The following AKAP6 variants were observed in gnomAD, a reference collection of about 807,000 sequenced individuals.
The protein encoded by AKAP6 is A-kinase anchoring protein 6, also known as A-kinase anchor protein 6.
A neutral mutation model predicts 188.5 loss-of-function variants in AKAP6; 58 were observed. The ratio of observed to expected loss-of-function variants is 0.31; its 90% CI spans 0.25 to 0.38. The LOEUF is 0.38. AKAP6 is among the 10% of genes least tolerant of loss of function. The pLI, the probability that AKAP6 is intolerant of heterozygous loss-of-function variation, is 1.00. For synonymous variants in AKAP6, 989 were observed against 998.6 expected, an observed-to-expected ratio of 0.99 and a Z score of 0.18; for missense variants, 2,710 against 2,740.0, an observed-to-expected ratio of 0.99 and a Z score of 0.24.
At chr14:32,571,557 A>C (rs1254551248) in intron 4 of AKAP6, among the ~76,000 whole-genome samples, 3 of 152,110 alleles carry the variant, frequency 2.0e-5, no homozygotes, top group African/African-American at 7.2e-5. Context: ...TAAATACATA[A>C]AATGTAATGA....
rs556116054 is a variant in AKAP6, at chr14:32,461,793, G to A, written c.324+27976G>A. Among the ~76,000 whole-genome samples the A allele has an allele frequency of 2.6e-5, 4 of 152,148 alleles. No homozygotes were observed. The South Asian group carries it at 8.3e-4, about 32-fold the overall frequency. On this transcript the variant is annotated intron_variant, in intron 2 of 13. Transcript: ENST00000280979. ...AATAATGAACTCCTCTGAGCTAAAG[G>A]AGGATGTTATAATGCAATGCAAGGA...
Position 32,773,872 on chromosome 14 carries a change from AAAG to A in AKAP6, c.3572_3574del (p.Lys1191del). ...CCGTCCAGTGGCAAACACGTCTACAAAAGAAGATGGGAAAGGAATCTGTGAGTG... is the reference window on the plus strand; with the variant it reads ...CCGTCCAGTGGCAAACACGTCTACAAAAGATGGGAAAGGAATCTGTGAGTG... On this transcript the variant is annotated inframe_deletion, in exon 12 of 14. Coordinates refer to ENST00000280979, the MANE Select transcript of AKAP6 (RefSeq NM_004274.5). 6.2e-7 allele frequency: 1 copy of A among 1,614,074 alleles called. No homozygotes were observed. The highest frequency in any genetic ancestry group is 8.5e-7 in the Non-Finnish European group (1 of 1,179,942).
At chr14:32,766,006 T>G (rs2032707670) in intron 11 of AKAP6, among the ~76,000 whole-genome samples, 1 of 152,166 alleles carries the variant, frequency 6.6e-6, no homozygotes, top group Non-Finnish European at 1.5e-5. Flanking sequence ...CCTTACCCAT[T>G]AGCTCGCTTT....
At chr14:32,547,054 C>T in intron 4 of AKAP6, 55 bp downstream of exon 4, 1 of 1,488,560 alleles carries the variant, frequency 6.7e-7, no homozygotes, top group South Asian at 1.3e-5. Context: ...GGAAGTATTG[C>T]TGGGAGAAGG....
At chr14:32,441,207 T>C (rs1257722932) in intron 2 of AKAP6, among the ~76,000 whole-genome samples, 1 of 152,228 alleles carries the variant, frequency 6.6e-6, no homozygotes, top group Non-Finnish European at 1.5e-5. Context: ...TTCCTTAGGG[T>C]GTCTTCTTAG....
At chr14:32,648,744 C>T (rs1397007102) in intron 7 of AKAP6, among the ~76,000 whole-genome samples, 3 of 152,114 alleles carry the variant, frequency 2.0e-5, no homozygotes, top group Non-Finnish European at 4.4e-5. Flanking sequence ...GATTAAAGAG[C>T]ACAGCCAAAT....
chr14:32,449,805 G>A (rs1357569884), intron 2 of AKAP6, among the ~76,000 whole-genome samples: 1 of 152,134 alleles, frequency 6.6e-6, no homozygotes, highest in Non-Finnish European at 1.5e-5. Context: ...AATTTATAGG[G>A]CATATTGAGA....
Position 32,334,958 on chromosome 14 carries a change from A to AT in AKAP6, c.-35+5559dup, listed in dbSNP as rs936438288. Among the ~76,000 whole-genome samples the AT allele has an allele frequency of 1.5e-4, 22 of 151,446 alleles. No homozygotes were observed. The East Asian group carries it at 1.9e-3, about 13-fold the overall frequency. On this transcript the variant is annotated intron_variant, in intron 1 of 13. Coordinates refer to ENST00000280979, the MANE Select transcript of AKAP6 (RefSeq NM_004274.5). ...TGTGGAACCTTTATTTTATTTTCAGATTTTTTTTTGGAGACAGGGTTTTAC... is the reference window on the plus strand; with the variant it reads ...TGTGGAACCTTTATTTTATTTTCAGATTTTTTTTTTGGAGACAGGGTTTTAC...
chr14:32,542,884 C>T (rs1485458019), intron 3 of AKAP6, among the ~76,000 whole-genome samples: 6 of 152,194 alleles, frequency 3.9e-5, no homozygotes, highest in African/African-American at 1.4e-4. Context: ...TATATCTTTG[C>T]ATTGAAGTGT....
chr14:32,390,210 T>C (rs1888664584), intron 1 of AKAP6, among the ~76,000 whole-genome samples: 1 of 152,122 alleles, frequency 6.6e-6, no homozygotes, highest in African/African-American at 2.4e-5. Context: ...TGTTGTTTCT[T>C]ATTTATGGTA....
At chr14:32,483,729 ATG>A (rs1333029635) in intron 2 of AKAP6, among the ~76,000 whole-genome samples, 201 of 152,150 alleles carry the variant, frequency 1.3e-3, no homozygotes, top group Non-Finnish European at 2.7e-3. Context: ...GGTGATCTGC[ATG>A]CCTCAGCCTC....
intron 7 of AKAP6, among the ~76,000 whole-genome samples, chr14:32,603,222 ACT>A (rs750426141): frequency 4.6e-5 from 7 of 151,672 alleles, no homozygotes; most frequent in Non-Finnish European, 8.8e-5. Flanking sequence ...ATTGCGTTGC[ACT>A]CTAAAAACCT....
intron 9 of AKAP6, among the ~76,000 whole-genome samples, chr14:32,701,801 A>G (rs1890630885): frequency 6.6e-6 from 1 of 152,094 alleles, no homozygotes; most frequent in Admixed American, 6.5e-5. Context: ...TTCCGATGTG[A>G]TTTGATATTC....
intron 1 of AKAP6, among the ~76,000 whole-genome samples, chr14:32,358,524 G>A (rs1252452268): frequency 6.6e-6 from 1 of 151,714 alleles, no homozygotes; most frequent in African/African-American, 2.4e-5. Context: ...CCTGTGTTGG[G>A]TGGGGGGGTT....
intron 4 of AKAP6, among the ~76,000 whole-genome samples, chr14:32,567,443 G>T (rs1337338979): frequency 6.6e-6 from 1 of 152,152 alleles, no homozygotes; most frequent in African/African-American, 2.4e-5. Flanking sequence ...AGCATTTACT[G>T]ATTTGCCGCC....
At chr14:32,746,774 G>A (rs2031927748) in intron 11 of AKAP6, among the ~76,000 whole-genome samples, 1 of 152,130 alleles carries the variant, frequency 6.6e-6, no homozygotes, top group Non-Finnish European at 1.5e-5. Context: ...CCCCTATGTA[G>A]ACTCAAAAGT....
intron 1 of AKAP6, among the ~76,000 whole-genome samples, chr14:32,356,329 T>C (rs1887484083): frequency 6.6e-6 from 1 of 152,164 alleles, no homozygotes; most frequent in Admixed American, 6.5e-5. Flanking sequence ...TCTTGCGGAC[T>C]CACAGGTTTA....
At chr14:32,502,773 A>C (rs1206865761) in intron 2 of AKAP6, among the ~76,000 whole-genome samples, 2 of 152,088 alleles carry the variant, frequency 1.3e-5, no homozygotes, top group Non-Finnish European at 2.9e-5. Flanking sequence ...TCAGAATATA[A>C]AGTCTTCTTA....
chr14:32,624,968 C>T (rs1181309880), intron 7 of AKAP6, among the ~76,000 whole-genome samples: 1 of 151,794 alleles, frequency 6.6e-6, no homozygotes, highest in Non-Finnish European at 1.5e-5. Context: ...CAGATAATTC[C>T]TAGTGATTTT....
Sources: allele counts gnomAD v4.1 joint callset (sites outside exome capture counted in the v4.1 genomes callset), GRCh38; gene constraint gnomAD v4.1.1; transcripts MANE v1.5; gene names NCBI Gene and HGNC (gene_info 2026-07-23, HGNC 2026-07-21).